Variants in MCF2 observed in about 807,000 individuals in gnomAD.
MCF2 encodes the protein MCF.2 cell line derived transforming sequence.
Under a neutral mutation model 82.5 loss-of-function variants are expected in MCF2, and 44 were observed. That is an observed-to-expected ratio of 0.53 (90% CI 0.42 to 0.69). The LOEUF (loss-of-function observed/expected upper bound fraction) is 0.69. Ranked by LOEUF, MCF2 falls within the 30% of genes least tolerant of loss-of-function variation. MCF2 has a pLI of 0.00. For synonymous variants in MCF2, 217 were observed against 224.9 expected, an observed-to-expected ratio of 0.96 and a Z score of 0.32; for missense variants, 623 against 663.1, an observed-to-expected ratio of 0.94 and a Z score of 0.66.
chrX:139,593,762 A>G (rs958787807), intron 19 of MCF2, among the ~76,000 whole-genome samples: 5 of 111,445 alleles, frequency 4.5e-5, no homozygotes, highest in Non-Finnish European at 9.4e-5. Flanking sequence ...AATCCAGCAT[A>G]TAAACAGAAC....
At chrX:139,619,796 T>A in intron 6 of MCF2, 90 bp from the exon 10 acceptor site, 1 of 659,265 alleles carries the variant, frequency 1.5e-6, no homozygotes, top group South Asian at 4.5e-5. Flanking sequence ...ACAAAAATAT[T>A]GACATGGAGA....
intron 1 of MCF2, among the ~76,000 whole-genome samples, chrX:139,656,972 C>T (rs1934218286): frequency 8.9e-6 from 1 of 111,747 alleles, no homozygotes. Context: ...CTCAACTACT[C>T]ACAGATAAAA....
At chrX:139,653,357 T>A (rs1934095248) in intron 1 of MCF2, among the ~76,000 whole-genome samples, 1 of 112,214 alleles carries the variant, frequency 8.9e-6, no homozygotes, top group Non-Finnish European at 1.9e-5. Context: ...TATTCCTACA[T>A]AATAGGAGAC....
intron 1 of MCF2, among the ~76,000 whole-genome samples, chrX:139,689,652 C>CTTTTTTTTTTTTTTTTTTT: frequency 9.2e-6 from 1 of 108,584 alleles, no homozygotes; most frequent in African/African-American, 3.4e-5. Flanking sequence ...CTTTGCATAT[C>CTTTTTTTTTTTTTTTTTTT]TTATTTCCTT....
intron 21 of MCF2, 42 bp downstream of exon 25, chrX:139,588,318 T>C (rs770593008): frequency 9.7e-7 from 1 of 1,030,571 alleles, no homozygotes; most frequent in South Asian, 2.0e-5. Flanking sequence ...CAATAAGCTG[T>C]TACTATACTT....
At chrX:139,617,250 T>A (rs756349288) in intron 8 of MCF2, among the ~76,000 whole-genome samples, 1 of 111,588 alleles carries the variant, frequency 9.0e-6, no homozygotes, top group African/African-American at 3.2e-5. Flanking sequence ...AATCTCAATA[T>A]TTAGAACAAA....
intron 2 of MCF2, among the ~76,000 whole-genome samples, chrX:139,647,925 A>T (rs192279042): frequency 1.8e-3 from 197 of 112,559 alleles, no homozygotes; most frequent in African/African-American, 6.0e-3. Context: ...AATCTGAAGA[A>T]TTATTTTAGG....
chrX:139,592,801 ACTT>A (rs1929638830), intron 19 of MCF2, among the ~76,000 whole-genome samples: 1 of 111,606 alleles, frequency 9.0e-6, no homozygotes, highest in African/African-American at 3.3e-5. Context: ...AGGAAGAACT[ACTT>A]CTTTTTGACC....
intron 19 of MCF2, among the ~76,000 whole-genome samples, chrX:139,593,999 C>T (rs1471843228): frequency 2.7e-5 from 3 of 110,733 alleles, no homozygotes. Flanking sequence ...AATAAAATAC[C>T]TAGGAATCCA....
upstream of MCF2, among the ~76,000 whole-genome samples, chrX:139,645,039 T>C: frequency 1.8e-5 from 2 of 110,849 alleles, no homozygotes; most frequent in East Asian, 5.7e-4. Context: ...TCTCTCTGGG[T>C]CTTGGGAACC....
upstream of MCF2, among the ~76,000 whole-genome samples, chrX:139,647,405 C>G: frequency 9.0e-6 from 1 of 111,715 alleles, no homozygotes; most frequent in Non-Finnish European, 1.9e-5. Flanking sequence ...GGAATGATGG[C>G]AGGAATGACA....
chrX:139,587,425 C>T (rs147494321), intron 22 of MCF2, among the ~76,000 whole-genome samples: 1,736 of 111,301 alleles, frequency 0.016, 11 homozygotes, highest in Non-Finnish European at 0.026. Context: ...AAAAAAAAAG[C>T]TTATGAGCAC....
intron 24 of MCF2, among the ~76,000 whole-genome samples, chrX:139,582,876 C>T (rs182486232): frequency 2.7e-5 from 3 of 111,749 alleles, no homozygotes; most frequent in East Asian, 2.8e-4. Context: ...ACTTTTTGCT[C>T]GCATTTAACA....
intron 1 of MCF2, among the ~76,000 whole-genome samples, chrX:139,637,892 G>C (rs1019165881): frequency 9.0e-6 from 1 of 111,661 alleles, no homozygotes; most frequent in Non-Finnish European, 1.9e-5. Context: ...GGAGGCAGGA[G>C]AGTCAGAGAA....
At chrX:139,605,961 A>G (rs974500807) in intron 12 of MCF2, among the ~76,000 whole-genome samples, 182 bp from the exon 17 acceptor site, 3 of 106,877 alleles carry the variant, frequency 2.8e-5, no homozygotes, top group African/African-American at 1.0e-4. Context: ...CTATATATAT[A>G]TATAGTCTTA....
At chrX:139,632,559 C>A in intron 1 of MCF2, 105 bp from the exon 5 acceptor site, 1 of 639,311 alleles carries the variant, frequency 1.6e-6, no homozygotes, top group South Asian at 4.3e-5. Context: ...ATTTTAAATT[C>A]ATAAAAGCCA....
At chrX:139,629,942 G>A (rs1225203968) in intron 3 of MCF2, 98 bp from the exon 7 acceptor site, 8 of 645,691 alleles carry the variant, frequency 1.2e-5, no homozygotes, top group East Asian at 6.6e-5. Flanking sequence ...GGGGTATAAC[G>A]GCAAACACAT....
At chrX:139,628,645 T>C (rs1300196592) in intron 4 of MCF2, among the ~76,000 whole-genome samples, 1 of 111,718 alleles carries the variant, frequency 9.0e-6, no homozygotes, top group Non-Finnish European at 1.9e-5. Flanking sequence ...AAAAACTCAG[T>C]TTATCTTTTT....
chrX:139,631,246 T>C (rs1932912278), intron 3 of MCF2, 149 bp downstream of exon 6: 1 of 418,963 alleles, frequency 2.4e-6, no homozygotes, highest in Admixed American at 3.5e-5. Context: ...GTTGAATTTA[T>C]ATGTATGTGA....
Sources: gnomAD v4.1 joint callset for allele counts (sites outside exome capture counted in the v4.1 genomes callset) on GRCh38, gnomAD v4.1.1 for gene constraint, MANE v1.5 for transcripts, NCBI Gene and HGNC (gene_info 2026-07-23, HGNC 2026-07-21) for gene names.